The following ZNF557 variants were observed in gnomAD, a reference collection of about 807,000 sequenced individuals.
ZNF557 encodes CTB-25J19.9.
In ZNF557, 19 loss-of-function variants were observed where a neutral mutation model predicts 21.2. The observed-to-expected ratio is 0.90, with a 90% CI of 0.63 to 1.32. The LOEUF is 1.32. Among genes scored for constraint, ZNF557 ranks in the 40% most tolerant of loss-of-function variants. The pLI is 0.00. For synonymous variants in ZNF557, 207 were observed against 194.8 expected, an observed-to-expected ratio of 1.06 and a Z score of -0.52; for missense variants, 487 against 519.8, an observed-to-expected ratio of 0.94 and a Z score of 0.61.
At chr19:7,077,136 T>C (rs950809679) in intron 5 of ZNF557, among the ~76,000 whole-genome samples, 2 of 128,156 alleles carry the variant, frequency 1.6e-5, no homozygotes, top group African/African-American at 3.0e-5. Flanking sequence ...TTCTTTCTTT[T>C]TTTTTTTTTT....
At chr19:7,070,398 GC>G (rs779334992) in intron 1 of ZNF557, among the ~76,000 whole-genome samples, 163 bp from the exon 2 acceptor site, 1 of 152,202 alleles carries the variant, frequency 6.6e-6, no homozygotes, top group Non-Finnish European at 1.5e-5. Flanking sequence ...TTCAGGCACA[GC>G]CAGTAGCCTG....
intron 5 of ZNF557, among the ~76,000 whole-genome samples, chr19:7,079,345 C>G (rs1305810980): frequency 6.7e-6 from 1 of 149,648 alleles, no homozygotes; most frequent in Non-Finnish European, 1.5e-5. Context: ...AGGTTCACGC[C>G]ATTCTCCTGC....
Position 7,077,891 on chromosome 19 carries a change from TA to T in ZNF557, c.247+1392del, listed in dbSNP as rs1002672515. On this transcript the variant is annotated intron_variant, in intron 5 of 7. Transcript: ENST00000252840. ...CATTGTGGTTTTTATTTCTATTCCC[TA>T]AAAAAAATGATGAGATTGGCCATCT... Among the ~76,000 whole-genome samples the T allele has an allele frequency of 1.3e-3, 201 of 151,992 alleles. 1 individual carries two copies. Among genetic ancestry groups the T allele is most frequent in the African/African-American group, 4.4e-3 (183 of 41,470 alleles).
rs915308083 is a variant in ZNF557, at chr19:7,082,371, C to T, written c.426+319C>T. Among the ~76,000 whole-genome samples, 8 of 134,680 alleles carry T rather than the reference C, an allele frequency of 5.9e-5. No homozygotes were observed. In the South Asian group the frequency reaches 6.8e-4, roughly 11 times the overall value. The allele number at this position is 134,680 out of a possible 152,430, so 88.4% of individuals were successfully genotyped here. Reference sequence around the variant, plus strand: ...CCTGGAGGTGGAGCTTGCAGTGAGCCGAGATTGTGCCACTGCACTCCAGCC... The same window carrying T: ...CCTGGAGGTGGAGCTTGCAGTGAGCTGAGATTGTGCCACTGCACTCCAGCC... On this transcript the variant is annotated intron_variant, in intron 7 of 7. Transcript: ENST00000252840.
chr19:7,085,607 A>G lies in ZNF557; in HGVS notation c.*1863A>G, dbSNP rs1364536062. 2.6e-5 allele frequency: 4 copies of G among 152,180 alleles called. No homozygotes were observed. Among genetic ancestry groups the G allele is most frequent in the Non-Finnish European group, 5.9e-5 (4 of 68,030 alleles). 9.4% of individuals were successfully genotyped at this position (152,180 alleles called of 1,614,324 possible). A position where few individuals can be genotyped will look rare whatever the true frequency, so the allele number is the denominator to read the frequency against. ...TCAGTGATTCCTCCCTTTATGCATG[A>G]GAGAATTCATTTAGAGGAAGCCCTA... On this transcript the variant is annotated 3_prime_UTR_variant, in exon 8 of 8. Transcript: ENST00000252840.
At chr19:7,082,382 C>T (rs980999994) in intron 7 of ZNF557, among the ~76,000 whole-genome samples, 1 of 140,346 alleles carries the variant, frequency 7.1e-6, no homozygotes, top group African/African-American at 2.7e-5. Flanking sequence ...GAGATTGTGC[C>T]ACTGCACTCC....
Position 7,085,282 on chromosome 19 carries a change from C to T in ZNF557, c.*1538C>T, listed in dbSNP as rs1977811913. 6.6e-6 allele frequency: 1 copy of T among 152,144 alleles called. No individual in the cohort carries two copies. The highest frequency in any genetic ancestry group is 2.4e-5 in the African/African-American group (1 of 41,400). The allele number at this position is 152,144 out of a possible 1,614,324, so 9.4% of individuals were successfully genotyped here. ...CTGCCTCCCAGGCTTAAGGGATCCT[C>T]CCACCTCAGCCTCCCAAGTAGCTGG... On this transcript the variant is annotated 3_prime_UTR_variant, in exon 8 of 8. Coordinates refer to ENST00000252840, the MANE Select transcript of ZNF557 (RefSeq NM_024341.3).
At chr19:7,074,750 GGCACGGGC>G (rs1977542668) in intron 2 of ZNF557, among the ~76,000 whole-genome samples, 1 of 133,052 alleles carries the variant, frequency 7.5e-6, no homozygotes. Flanking sequence ...ACCGAGGCAG[GGCACGGGC>G]TGGAGGGGGG....
At chr19:7,079,219 A>G (rs1336430420) in intron 5 of ZNF557, among the ~76,000 whole-genome samples, 1 of 33,206 alleles carries the variant, frequency 3.0e-5, no homozygotes, top group Non-Finnish European at 6.5e-5. Context: ...CCTATAATGC[A>G]GTTTCATTCA....
Position 7,083,366 on chromosome 19 carries a change from ATC to A in ZNF557, c.919_920del (p.Leu307PhefsTer5). On this transcript the variant is annotated frameshift_variant, in exon 8 of 8. Transcript: ENST00000252840. LOFTEE classifies it low-confidence loss of function (END_TRUNC). ...GTGGAAAGGCTTTCGGCACGAGGTCATCTCTTTCTTCGCACTATAGCATTCAT... is the reference window on the plus strand; with the variant it reads ...GTGGAAAGGCTTTCGGCACGAGGTCATCTTTCTTCGCACTATAGCATTCAT... Reference protein sequence around the residue: ...QCGKAFGTRSSLSSHYSIHTG... With the variant: ...QCGKAFGTRSXLSSHYSIHTG... 1 of 1,614,228 alleles carries A rather than the reference ATC, an allele frequency of 6.2e-7. No individual in the cohort carries two copies. Among genetic ancestry groups the A allele is most frequent in the Non-Finnish European group, 8.5e-7 (1 of 1,180,042 alleles).
At position 7,083,627 on chromosome 19, in the gene ZNF557, G is replaced by A. The variant is rs201859445; in HGVS notation, c.1176G>A (p.Lys392=). ...CCTTTAATGTTCTCTCATCCGTTAAGAAACACATGAGAACTCACACTGGAA... is the reference window on the plus strand; with the variant it reads ...CCTTTAATGTTCTCTCATCCGTTAAAAAACACATGAGAACTCACACTGGAA... ...GKSFNVLSSV[K]KHMRTHTGKK... Residue 392 remains lysine (K), a synonymous_variant, in exon 8 of 8, where the codon AAG becomes AAA. Coordinates refer to ENST00000252840, the MANE Select transcript of ZNF557 (RefSeq NM_024341.3). 2 of 1,613,992 alleles carry A rather than the reference G, an allele frequency of 1.2e-6. No individual in the cohort carries two copies. Among genetic ancestry groups the A allele is most frequent in the African/African-American group, 2.7e-5 (2 of 75,028 alleles).
intron 3 of ZNF557, 76 bp downstream of exon 3, chr19:7,075,181 G>T (rs1568406725): frequency 1.2e-6 from 2 of 1,602,880 alleles, no homozygotes; most frequent in Middle Eastern, 1.7e-4. Flanking sequence ...ATGGGAGGGG[G>T]TTGGGCAGAG....
chr19:7,076,914 ATTTG>A (rs1329716960), intron 5 of ZNF557, among the ~76,000 whole-genome samples: 3 of 150,948 alleles, frequency 2.0e-5, no homozygotes, highest in Non-Finnish European at 4.4e-5. Context: ...CGCCCAGCTA[ATTTG>A]TTTATTTTTT....
In ZNF557 at chr19:7,075,654, G is replaced by A; in HGVS notation, c.32-1G>A. 6.2e-7 allele frequency: 1 copy of A among 1,613,222 alleles called. No homozygotes were observed. The highest frequency in any genetic ancestry group is 8.5e-7 in the Non-Finnish European group (1 of 1,179,392). ...CCTGGTACTCATTTCTCCTCCTCCA[G>A]CTCTGTCTTCCCTGTTCCCAGCCTC... On this transcript the variant is annotated splice_acceptor_variant, in intron 3 of 7. Coordinates refer to ENST00000252840, the MANE Select transcript of ZNF557 (RefSeq NM_024341.3). LOFTEE classifies it high-confidence loss of function.
intron 2 of ZNF557, among the ~76,000 whole-genome samples, chr19:7,071,575 C>G (rs1349496651): frequency 6.6e-6 from 1 of 152,082 alleles, no homozygotes; most frequent in Admixed American, 6.6e-5. Flanking sequence ...AGCAGTGGCT[C>G]AAGCCTGTCT....
intron 7 of ZNF557, 119 bp from the exon 8 acceptor site, chr19:7,082,759 A>G (rs1977739153): frequency 9.3e-7 from 1 of 1,072,294 alleles, no homozygotes; most frequent in Non-Finnish European, 1.3e-6. Context: ...CATGATGGCA[A>G]AAACATTAAT....
At position 7,083,392 on chromosome 19, in the gene ZNF557, A is replaced by G; in HGVS notation, c.941A>G (p.His314Arg). Residue 314 changes from histidine (H) to arginine (R), a missense_variant, in exon 8 of 8, where the codon CAT (histidine) becomes CGT (arginine). Physicochemically the swap from His to Arg is conservative, Grantham distance 29. Transcript: ENST00000252840. ...RSSLSSHYSI[H>R]TGEYPYECHD... Reference sequence around the variant, plus strand: ...TCTCTTTCTTCGCACTATAGCATTCATACAGGGGAGTACCCTTACGAATGC... The same window carrying G: ...TCTCTTTCTTCGCACTATAGCATTCGTACAGGGGAGTACCCTTACGAATGC... 1 of 1,614,230 alleles carries G rather than the reference A, an allele frequency of 6.2e-7. No homozygotes were observed. The highest frequency in any genetic ancestry group is 2.2e-5 in the East Asian group (1 of 44,886).
intron 2 of ZNF557, among the ~76,000 whole-genome samples, chr19:7,074,329 T>TACACACACACACACACACACACACACAC: frequency 6.8e-6 from 1 of 147,076 alleles, no homozygotes; most frequent in East Asian, 2.0e-4. Flanking sequence ...TTTGTGTGTA[T>TACACACACACACACACACACACACACAC]ATACACACAC....
intron 2 of ZNF557, 68 bp downstream of exon 2, chr19:7,070,721 C>T (rs1031387893): frequency 1.3e-5 from 2 of 151,976 alleles, no homozygotes; most frequent in Non-Finnish European, 2.9e-5. Context: ...ATGGATTTTT[C>T]CTGTGTTCAG....
Sources: gnomAD v4.1 joint callset for allele counts (sites outside exome capture counted in the v4.1 genomes callset) on GRCh38, gnomAD v4.1.1 for gene constraint, MANE v1.5 for transcripts, NCBI Gene and HGNC (gene_info 2026-07-23, HGNC 2026-07-21) for gene names.